Variants in STPG2 observed in about 807,000 individuals in gnomAD.
STPG2 encodes the protein sperm tail PG-rich repeat containing 2.
STPG2 carries 56 observed loss-of-function variants against 54.2 expected under a neutral mutation model. That is an observed-to-expected ratio of 1.03 (90% CI 0.83 to 1.29). The LOEUF (loss-of-function observed/expected upper bound fraction) is 1.29, where lower values mean the gene tolerates loss of function less well. Among genes scored for constraint, STPG2 ranks in the 50% most tolerant of loss-of-function variants. The pLI is 0.00. For synonymous variants in STPG2, 200 were observed against 181.8 expected (o/e 1.10, Z -0.81); for missense variants, 596 against 544.9 (o/e 1.09, Z -0.93).
At chr4:97,681,684 G>T (rs1286178478) in intron 10 of STPG2, among the ~76,000 whole-genome samples, 2 of 151,664 alleles carry the variant, frequency 1.3e-5, no homozygotes, top group Non-Finnish European at 3.0e-5. Context: ...ATTCATTTTA[G>T]AAACCCAATC....
chr4:97,982,575 C>G lies in STPG2; in HGVS notation c.613-1257G>C, dbSNP rs561661795. 1.0e-3 allele frequency among the ~76,000 whole-genome samples: 157 copies of G among 152,244 alleles called. 1 individual carries two copies. Among genetic ancestry groups the G allele is most frequent in the African/African-American group, 3.7e-3 (154 of 41,550 alleles). On this transcript the variant is annotated intron_variant, in intron 5 of 10. Coordinates refer to ENST00000295268, the MANE Select transcript of STPG2 (RefSeq NM_174952.3). ...TTCATGTAATCTAGGATTCGTATTCCAAATTCGTCGGCTGATCTAATAAGG... is the reference window on the plus strand; with the variant it reads ...TTCATGTAATCTAGGATTCGTATTCGAAATTCGTCGGCTGATCTAATAAGG...
chr4:98,046,979 A>G (rs1344946848), intron 5 of STPG2, among the ~76,000 whole-genome samples: 1 of 152,220 alleles, frequency 6.6e-6, no homozygotes, highest in Non-Finnish European at 1.5e-5. Context: ...AGCTAATTAA[A>G]GGCCCGACCC....
chr4:97,982,486 A>G (rs1458987640), intron 5 of STPG2, among the ~76,000 whole-genome samples: 2 of 152,152 alleles, frequency 1.3e-5, no homozygotes, highest in African/African-American at 2.4e-5. Flanking sequence ...AAAAATGCAG[A>G]TATTTTCTTA....
chr4:97,955,113 G>T (rs1316407170), intron 7 of STPG2, among the ~76,000 whole-genome samples: 3 of 151,950 alleles, frequency 2.0e-5, no homozygotes, highest in African/African-American at 7.3e-5. Context: ...TGATTTAATG[G>T]TAGTTGAAAT....
At chr4:97,737,870 G>C (rs986960034) in intron 9 of STPG2, among the ~76,000 whole-genome samples, 4 of 152,092 alleles carry the variant, frequency 2.6e-5, no homozygotes, top group Non-Finnish European at 5.9e-5. Context: ...ATGCCACAAA[G>C]ATACTCCTTG....
intron 10 of STPG2, among the ~76,000 whole-genome samples, chr4:97,631,092 C>T (rs10213173): frequency 0.24 from 35,723 of 151,734 alleles, 4,968 homozygotes; most frequent in Middle Eastern, 0.35. Context: ...TGAAACCAGA[C>T]ACTGCTTTCC....
At chr4:97,694,935 T>C (rs1262964453) in intron 10 of STPG2, among the ~76,000 whole-genome samples, 1 of 150,918 alleles carries the variant, frequency 6.6e-6, no homozygotes, top group African/African-American at 2.4e-5. Context: ...ACCAATCTTA[T>C]TGACACTATT....
chr4:97,601,839 A>G (rs59360757), intron 10 of STPG2, among the ~76,000 whole-genome samples: 20,088 of 151,862 alleles, frequency 0.13, 4,093 homozygotes, highest in African/African-American at 0.44. Context: ...CAAGTTCCTC[A>G]AGAAATCCTT....
At position 97,965,465 on chromosome 4, in the gene STPG2, T is replaced by C. The variant is rs528887703; in HGVS notation, c.933+6815A>G. Among the ~76,000 whole-genome samples the C allele has an allele frequency of 1.7e-3, 264 of 152,296 alleles. 2 individuals are homozygous for C. The highest frequency in any genetic ancestry group is 5.9e-3 in the African/African-American group (246 of 41,578). ...GCTTCTGCAGACTTAAATGTCCCTG[T>C]CTGACAACTCTGAAGAGAGCAGTGG... On this transcript the variant is annotated intron_variant, in intron 7 of 10. Transcript: ENST00000295268.
At chr4:97,590,012 C>G (rs1042105559) in intron 10 of STPG2, among the ~76,000 whole-genome samples, 1 of 152,098 alleles carries the variant, frequency 6.6e-6, no homozygotes, top group African/African-American at 2.4e-5. Flanking sequence ...GTTTGCTCAT[C>G]ATTAAGTGAT....
At chr4:97,478,262 A>G (rs1320004881) in intron 4 of STPG2, among the ~76,000 whole-genome samples, 2 of 152,242 alleles carry the variant, frequency 1.3e-5, no homozygotes, top group African/African-American at 4.8e-5. Context: ...GGAGAATCAC[A>G]AGTACTTTTA....
At chr4:98,003,995 CGTGT>C (rs922564789) in intron 5 of STPG2, among the ~76,000 whole-genome samples, 2 of 150,702 alleles carry the variant, frequency 1.3e-5, no homozygotes, top group African/African-American at 4.9e-5. Context: ...CACATAACTA[CGTGT>C]GTGTGTGTAT....
In STPG2 at chr4:98,062,214, T is replaced by G. The variant is rs146327672; in HGVS notation, c.612+43739A>C. ...TGCAGGAACAGAAAACCAAATACCA[T>G]GTGTTCTCACGTATAAGTGGGAGCA... On this transcript the variant is annotated intron_variant, in intron 5 of 10. Coordinates refer to ENST00000295268, the MANE Select transcript of STPG2 (RefSeq NM_174952.3). Among the ~76,000 whole-genome samples, 1,233 of 152,222 alleles carry G rather than the reference T, an allele frequency of 8.1e-3. 22 individuals carry two copies. Among genetic ancestry groups the G allele is most frequent in the Admixed American group, 0.014 (215 of 15,268 alleles).
intron 10 of STPG2, among the ~76,000 whole-genome samples, chr4:97,566,303 G>A (rs947511034): frequency 6.6e-6 from 1 of 152,144 alleles, no homozygotes; most frequent in Non-Finnish European, 1.5e-5. Flanking sequence ...CACAGTATTG[G>A]GGTGGGAGTG....
chr4:97,510,084 T>C (rs796441197), intron 4 of STPG2, among the ~76,000 whole-genome samples: 3 of 152,188 alleles, frequency 2.0e-5, no homozygotes, highest in African/African-American at 7.2e-5. Context: ...GTCTGTGATA[T>C]GTAGAAGGCG....
At chr4:97,605,289 A>T (rs1017968820) in intron 10 of STPG2, among the ~76,000 whole-genome samples, 13 of 151,840 alleles carry the variant, frequency 8.6e-5, no homozygotes, top group Non-Finnish European at 1.6e-4. Context: ...CAAACTAGTG[A>T]AAAATTTACA....
chr4:98,038,405 A>G (rs1052104645), intron 5 of STPG2, among the ~76,000 whole-genome samples: 2 of 151,600 alleles, frequency 1.3e-5, no homozygotes, highest in African/African-American at 4.9e-5. Context: ...TCAGAAGTGG[A>G]AACAATTTTT....
At chr4:97,818,777 T>A (rs1324979835) in intron 9 of STPG2, among the ~76,000 whole-genome samples, 1 of 151,804 alleles carries the variant, frequency 6.6e-6, no homozygotes. Flanking sequence ...TTCAGTTCTT[T>A]AGAAGTACTC....
chr4:98,056,766 T>A (rs1355259898), intron 5 of STPG2, among the ~76,000 whole-genome samples: 1 of 152,130 alleles, frequency 6.6e-6, no homozygotes, highest in Non-Finnish European at 1.5e-5. Flanking sequence ...GGGGGCAGAC[T>A]TCCCCCTTGC....
Sources: allele counts gnomAD v4.1 joint callset (sites outside exome capture counted in the v4.1 genomes callset), GRCh38; gene constraint gnomAD v4.1.1; transcripts MANE v1.5; gene names NCBI Gene and HGNC (gene_info 2026-07-23, HGNC 2026-07-21).